The following HECTD4 variants were observed in gnomAD, a reference collection of about 807,000 sequenced individuals.
The protein encoded by HECTD4 is HECT domain E3 ubiquitin protein ligase 4.
Under a neutral mutation model 471.5 loss-of-function variants are expected in HECTD4, and 114 were observed. The ratio of observed to expected loss-of-function variants is 0.24; its 90% CI spans 0.21 to 0.28. The LOEUF (loss-of-function observed/expected upper bound fraction) is 0.28. Ranked by LOEUF, HECTD4 falls within the 10% of genes least tolerant of loss-of-function variation. The probability of loss-of-function intolerance (pLI) is 1.00; values close to 1 mark genes in which losing one functional copy is unlikely to be tolerated. For synonymous variants in HECTD4, 2,012 were observed against 2,256.0 expected (o/e 0.89, Z 3.07); for missense variants, 3,866 against 5,651.5 (o/e 0.68, Z 10.13).
intron 24 of HECTD4, among the ~76,000 whole-genome samples, 171 bp from the exon 25 acceptor site, chr12:112,250,548 A>G (rs2033858750): frequency 3.9e-5 from 6 of 152,244 alleles, no homozygotes; most frequent in Admixed American, 3.3e-4. Context: ...ATGAAAGCCC[A>G]TCTTTGGGGA....
At chr12:112,187,642 T>G (rs2031920709) in intron 60 of HECTD4, among the ~76,000 whole-genome samples, 1 of 148,162 alleles carries the variant, frequency 6.7e-6, no homozygotes, top group Admixed American at 6.7e-5. Flanking sequence ...TTTTTTTTTT[T>G]TTGAGACGGA....
At chr12:112,237,757 CT>C (rs200452557) in intron 34 of HECTD4, among the ~76,000 whole-genome samples, 392 of 141,986 alleles carry the variant, frequency 2.8e-3, no homozygotes, top group Middle Eastern at 7.3e-3. Context: ...CCTGTCAGAC[CT>C]TTTTTTTTTT....
Position 112,193,043 on chromosome 12 carries a change from T to G in HECTD4, c.9086+18A>C, listed in dbSNP as rs199711277. The G allele has an allele frequency of 4.7e-4, 760 of 1,613,706 alleles. 4 individuals are homozygous for G. The highest frequency in any genetic ancestry group is 1.6e-4 in the Middle Eastern group (1 of 6,084). On this transcript the variant is annotated intron_variant, in intron 58 of 75. Transcript: ENST00000682272. The surrounding 1 kb of genome is among the most constrained non-coding windows in gnomAD (Gnocchi z 5.2). ...TTTCCTCTCCCCATCACCATCTTCT[T>G]GAGAACAGGCAACTTACTCTTTGCG...
Position 112,251,063 on chromosome 12 carries a change from A to C in HECTD4, c.3624T>G (p.Ala1208=), listed in dbSNP as rs1164261080. The change falls in exon 24 of 76, where the codon GCT becomes GCG. Residue 1208 remains alanine (A), a synonymous_variant. Transcript: ENST00000682272. ...TGTACAGGATTCTTAACATGGAACA[A>C]GCTAACACAGACAGACCTAAAGCCA... ...VDLALGLSVL[A]CSMLRILYNG... The C allele has an allele frequency of 1.2e-6, 2 of 1,614,038 alleles. No homozygotes were observed. The highest frequency in any genetic ancestry group is 2.2e-5 in the South Asian group (2 of 91,090).
intron 54 of HECTD4, chr12:112,201,082 A>G: frequency 4.0e-6 from 2 of 501,940 alleles, no homozygotes; most frequent in Non-Finnish European, 3.8e-6. Context: ...CAAACATCAG[A>G]AATGGGAGAG....
At position 112,163,188 on chromosome 12, in the gene HECTD4, A is replaced by G; in HGVS notation, c.12974T>C (p.Phe4325Ser). The change falls in exon 75 of 76, where the codon TTC (phenylalanine) becomes TCC (serine). Residue 4325 changes from phenylalanine (F) to serine (S), a missense_variant. By Grantham distance (155) the Phe-to-Ser change is radical. Transcript: ENST00000682272. This position sits in a 1 kb window ranked among gnomAD's most constrained non-coding sequence, Gnocchi z 8.2. ...IEFFWGALEM[F>S]TQEELCKFIK... ...GAACTTGCACAGCTCCTCCTGGGTG[A>G]ACATCTCCAGGGCCCCCCAGAAGAA... 6.2e-7 allele frequency: 1 copy of G among 1,613,928 alleles called. No homozygotes were observed. Among genetic ancestry groups the G allele is most frequent in the East Asian group, 2.2e-5 (1 of 44,878 alleles).
intron 1 of HECTD4, among the ~76,000 whole-genome samples, chr12:112,358,076 A>G (rs2036377605): frequency 6.6e-6 from 1 of 152,084 alleles, no homozygotes; most frequent in Admixed American, 6.6e-5. Flanking sequence ...GGTGGCAGGC[A>G]CCTGTAATCC....
intron 6 of HECTD4, among the ~76,000 whole-genome samples, chr12:112,307,709 T>G (rs1298843142): frequency 6.6e-6 from 1 of 152,220 alleles, no homozygotes; most frequent in East Asian, 1.9e-4. Context: ...GACAGGCAGT[T>G]GAGTGACAAA....
chr12:112,314,417 T>C (rs1252620362), intron 3 of HECTD4, 40 bp downstream of exon 3: 2 of 1,010,986 alleles, frequency 2.0e-6, no homozygotes, highest in East Asian at 2.6e-5. Flanking sequence ...CAAATCTGCC[T>C]AGTTTGGAAG....
intron 7 of HECTD4, among the ~76,000 whole-genome samples, chr12:112,294,358 T>A (rs528303379): frequency 6.6e-6 from 1 of 152,230 alleles, no homozygotes; most frequent in African/African-American, 2.4e-5. Context: ...GCTAGAACTC[T>A]ATGAATCATT....
rs904888559 is a variant in HECTD4 at position 112,213,948 on chromosome 12, G to A, written c.7466-1298C>T. On this transcript the variant is annotated intron_variant, in intron 48 of 75. Coordinates refer to ENST00000682272, the MANE Select transcript of HECTD4 (RefSeq NM_001388303.1). The surrounding 1 kb of genome is among the most constrained non-coding windows in gnomAD (Gnocchi z 4.0). ...GAGATGGGAGGGTCACTTGAGCTCA[G>A]GGGGTCAAGCCTGCAGTGAGCTGTG... 6.6e-6 allele frequency among the ~76,000 whole-genome samples: 1 copy of A among 151,798 alleles called. No individual in the cohort carries two copies. Among genetic ancestry groups the A allele is most frequent in the African/African-American group, 2.4e-5 (1 of 41,338 alleles).
At chr12:112,205,206 T>G (rs1349642675) in intron 52 of HECTD4, among the ~76,000 whole-genome samples, 1 of 146,888 alleles carries the variant, frequency 6.8e-6, no homozygotes, top group African/African-American at 2.5e-5. Context: ...GAGGCCGAGG[T>G]GGGTGGATCA....
chr12:112,269,854 A>G lies in HECTD4; in HGVS notation c.2176-5T>C, dbSNP rs1303015201. ...GAAGAAAAATTTAAATACCACCTAC[A>G]GAAACAGAAGGAGTCTATCTAAAAA... is the stretch of plus-strand genomic sequence containing the variant. On this transcript the variant is annotated splice_region_variant and splice_polypyrimidine_tract_variant and intron_variant, in intron 12 of 75. Coordinates refer to ENST00000682272, the MANE Select transcript of HECTD4 (RefSeq NM_001388303.1). The G allele has an allele frequency of 6.2e-7, 1 of 1,612,538 alleles. No individual in the cohort carries two copies. The highest frequency in any genetic ancestry group is 8.5e-7 in the Non-Finnish European group (1 of 1,178,732).
chr12:112,288,536 T>C (rs922847990), intron 7 of HECTD4, among the ~76,000 whole-genome samples: 4 of 151,978 alleles, frequency 2.6e-5, no homozygotes, highest in African/African-American at 7.3e-5. Context: ...GTGGGAGGAA[T>C]GCTTGAGCCC....
At chr12:112,363,170 ATTC>A (rs1212308173) in intron 1 of HECTD4, among the ~76,000 whole-genome samples, 2 of 152,068 alleles carry the variant, frequency 1.3e-5, no homozygotes, top group Non-Finnish European at 2.9e-5. Context: ...TAACAGTTCC[ATTC>A]TTTTTTAATT....
chr12:112,252,119 T>C (rs1393825102), intron 23 of HECTD4, among the ~76,000 whole-genome samples: 1 of 152,170 alleles, frequency 6.6e-6, no homozygotes, highest in African/African-American at 2.4e-5. Context: ...CTTATTTCTA[T>C]TAAGTTCTAT....
Position 112,204,580 on chromosome 12 carries a change from T to G in HECTD4, c.8175A>C (p.Glu2725Asp). Residue 2725 changes from glutamate (E) to aspartate (D), a missense_variant, in exon 53 of 76, where the codon GAA becomes GAC. Glu to Asp is a conservative substitution (Grantham distance 45). Around this residue, in one of 16 missense-constraint regions of HECTD4, gnomAD observed 266 missense variants for 441.6 expected, o/e 0.60. Coordinates refer to ENST00000682272, the MANE Select transcript of HECTD4 (RefSeq NM_001388303.1). ...IARQTVEFLY[E>D]ENGGIPRDLY... ...GGTCTCTTGGGATGCCACCATTCTC[T>G]TCGTAGAGAAATTCAACCGTCTGTC... 6.2e-7 allele frequency: 1 copy of G among 1,613,578 alleles called. No homozygotes were observed. The highest frequency in any genetic ancestry group is 2.2e-5 in the East Asian group (1 of 44,880).
At chr12:112,373,928 C>T (rs930020025) in intron 1 of HECTD4, among the ~76,000 whole-genome samples, 43 of 150,164 alleles carry the variant, frequency 2.9e-4, no homozygotes, top group African/African-American at 9.6e-4. Context: ...CACTTGAACC[C>T]GGGAGGCGAA....
chr12:112,336,522 CA>C (rs759716495), intron 1 of HECTD4, among the ~76,000 whole-genome samples: 116 of 126,022 alleles, frequency 9.2e-4, no homozygotes, highest in African/African-American at 6.7e-4. Context: ...GACTCCGTCT[CA>C]AAAAAAAAAA....
Sources: allele counts gnomAD v4.1 joint callset (sites outside exome capture counted in the v4.1 genomes callset), GRCh38; gene constraint gnomAD v4.1.1; regional missense constraint gnomAD v4.1.1; non-coding constraint Gnocchi (gnomAD v3.1); transcripts MANE v1.5; gene names NCBI Gene and HGNC (gene_info 2026-07-23, HGNC 2026-07-21).